The following RFX3 variants were observed in gnomAD, a reference collection of about 807,000 sequenced individuals.
RFX3 encodes regulatory factor X3, also known as transcription factor RFX3.
Under a neutral mutation model 98.6 loss-of-function variants are expected in RFX3, and 14 were observed. The ratio of observed to expected loss-of-function variants is 0.14; its 90% confidence interval spans 0.09 to 0.22. The LOEUF (loss-of-function observed/expected upper bound fraction) is 0.22, where lower values mean the gene tolerates loss of function less well. Among genes scored for constraint, RFX3 ranks in the 10% least tolerant of loss-of-function variants. RFX3 has a pLI of 1.00. For synonymous variants in RFX3, 383 were observed against 328.4 expected (o/e 1.17, Z -1.80); for missense variants, 639 against 926.9 (o/e 0.69, Z 4.03).
intron 16 of RFX3, among the ~76,000 whole-genome samples, chr9:3,228,032 C>G (rs754482206): frequency 6.6e-6 from 1 of 152,132 alleles, no homozygotes; most frequent in African/African-American, 2.4e-5. Context: ...AGTCAATAAC[C>G]GTAACAATTC....
chr9:3,249,075 T>C (rs1821049899), intron 14 of RFX3, among the ~76,000 whole-genome samples: 1 of 151,908 alleles, frequency 6.6e-6, no homozygotes, highest in African/African-American at 2.4e-5. Context: ...ATCACTTTCA[T>C]TTACTGACCT....
At chr9:3,234,523 C>G (rs1398744821) in intron 15 of RFX3, among the ~76,000 whole-genome samples, 1 of 152,140 alleles carries the variant, frequency 6.6e-6, no homozygotes, top group Non-Finnish European at 1.5e-5. Context: ...CGCCTGTAGT[C>G]CCAGCTAGTC....
At chr9:3,313,155 C>A (rs1830163765) in intron 4 of RFX3, among the ~76,000 whole-genome samples, 1 of 152,202 alleles carries the variant, frequency 6.6e-6, no homozygotes, top group African/African-American at 2.4e-5. Flanking sequence ...AGGTGCTCCT[C>A]TGAGACGAAG....
intron 2 of RFX3, among the ~76,000 whole-genome samples, chr9:3,377,854 G>A (rs1838721838): frequency 6.6e-6 from 1 of 152,094 alleles, no homozygotes; most frequent in South Asian, 2.1e-4. Flanking sequence ...GGATTTTATT[G>A]CGTGTAAATT....
intron 1 of RFX3, among the ~76,000 whole-genome samples, chr9:3,411,579 G>A (rs982784541): frequency 6.6e-6 from 1 of 151,600 alleles, no homozygotes; most frequent in Admixed American, 6.6e-5. Flanking sequence ...GGGTTCAAGT[G>A]ATCCTCCCAC....
At chr9:3,336,717 T>G (rs142763232) in intron 3 of RFX3, among the ~76,000 whole-genome samples, 2 of 152,140 alleles carry the variant, frequency 1.3e-5, no homozygotes, top group Non-Finnish European at 2.9e-5. Flanking sequence ...TAAACATGCA[T>G]GCAGTGTAAA....
intron 1 of RFX3, among the ~76,000 whole-genome samples, chr9:3,503,568 G>A (rs1816282953): frequency 2.0e-5 from 3 of 152,002 alleles, no homozygotes; most frequent in Admixed American, 6.6e-5. Flanking sequence ...ATATGGTTGT[G>A]ACACTAGTAC....
rs1321736744 is a variant in RFX3 at position 3,344,839 on chromosome 9, T to A, written c.215+1828A>T. ...ATAAATGCCAACAGTAGTTTAAGTT[T>A]ATGGTGAAGATTCCAAAATCATGCT... is the stretch of plus-strand genomic sequence containing the variant. On this transcript the variant is annotated intron_variant, in intron 3 of 16. Transcript: ENST00000617270. 2 of 715,532 alleles carry A rather than the reference T, an allele frequency of 2.8e-6. 1 individual carries two copies. The highest frequency in any genetic ancestry group is 4.0e-5 in the Admixed American group (2 of 49,644). 44.3% of individuals were successfully genotyped at this position (715,532 alleles called of 1,614,324 possible).
chr9:3,300,502 AAC>A (rs1828521192), intron 5 of RFX3, among the ~76,000 whole-genome samples: 1 of 151,872 alleles, frequency 6.6e-6, no homozygotes, highest in African/African-American at 2.4e-5. Context: ...ACTTAAAAAA[AAC>A]ACAGTTAAAA....
At chr9:3,356,407 T>C (rs1454664076) in intron 2 of RFX3, among the ~76,000 whole-genome samples, 1 of 151,612 alleles carries the variant, frequency 6.6e-6, no homozygotes, top group Non-Finnish European at 1.5e-5. Flanking sequence ...TAAGATGAAA[T>C]GGAAAAAGTT....
chr9:3,399,918 C>T (rs1297648994), intron 1 of RFX3, among the ~76,000 whole-genome samples: 4 of 148,990 alleles, frequency 2.7e-5, no homozygotes, highest in Non-Finnish European at 5.9e-5. Context: ...CACTGCACTC[C>T]AGCCTGGATG....
intron 6 of RFX3, among the ~76,000 whole-genome samples, chr9:3,291,371 C>CA (rs2131616874): frequency 6.8e-6 from 1 of 147,104 alleles, no homozygotes; most frequent in South Asian, 2.2e-4. Context: ...GAATCCTTCT[C>CA]AAAAAACAAA....
At chr9:3,321,514 T>C (rs995387703) in intron 4 of RFX3, among the ~76,000 whole-genome samples, 4 of 152,208 alleles carry the variant, frequency 2.6e-5, no homozygotes, top group African/African-American at 9.7e-5. Context: ...CACTTCCTTT[T>C]CATTGGACTG....
At chr9:3,320,871 T>C (rs750160624) in intron 4 of RFX3, among the ~76,000 whole-genome samples, 1 of 150,480 alleles carries the variant, frequency 6.6e-6, no homozygotes, top group Non-Finnish European at 1.5e-5. Context: ...CTAACGTTTA[T>C]TTGCATATTT....
intron 2 of RFX3, among the ~76,000 whole-genome samples, chr9:3,373,981 A>G (rs1307697632): frequency 6.6e-6 from 1 of 151,918 alleles, no homozygotes; most frequent in Admixed American, 6.6e-5. Context: ...GGGAGGCTGA[A>G]GCAGAAGAAT....
chr9:3,518,209 C>T (rs535732624), intron 1 of RFX3, among the ~76,000 whole-genome samples: 126 of 152,244 alleles, frequency 8.3e-4, no homozygotes, highest in African/African-American at 2.7e-3. Context: ...CACCTAACTA[C>T]GTAATTCTCA....
chr9:3,476,172 AAT>A (rs1849236219), intron 1 of RFX3, among the ~76,000 whole-genome samples: 1 of 148,402 alleles, frequency 6.7e-6, no homozygotes, highest in East Asian at 1.9e-4. Flanking sequence ...ACTCATATAT[AAT>A]ATATATAATA....
At chr9:3,453,253 C>CA (rs1352700631) in intron 1 of RFX3, among the ~76,000 whole-genome samples, 2 of 152,028 alleles carry the variant, frequency 1.3e-5, no homozygotes, top group Non-Finnish European at 2.9e-5. Context: ...CAAGTGTAAA[C>CA]ACCCCCCAAG....
At chr9:3,447,890 G>A (rs1396926367) in intron 1 of RFX3, among the ~76,000 whole-genome samples, 1 of 152,062 alleles carries the variant, frequency 6.6e-6, no homozygotes, top group East Asian at 1.9e-4. Context: ...TCCCTTGTCT[G>A]CTTGATCTCT....
Sources: gnomAD v4.1 joint callset for allele counts (sites outside exome capture counted in the v4.1 genomes callset) on GRCh38, gnomAD v4.1.1 for gene constraint, MANE v1.5 for transcripts, NCBI Gene and HGNC (gene_info 2026-07-23, HGNC 2026-07-21) for gene names.